Variants in MDGA2 observed in about 807,000 individuals in gnomAD.
The protein encoded by MDGA2 is MAM domain-containing glycosylphosphatidylinositol anchor protein 2.
In MDGA2, 40 loss-of-function variants were observed where a neutral mutation model predicts 117.8. The observed-to-expected ratio is 0.34, with a 90% confidence interval of 0.26 to 0.44. The LOEUF (loss-of-function observed/expected upper bound fraction) is 0.44, where lower values mean the gene tolerates loss of function less well. Among genes scored for constraint, MDGA2 ranks in the 20% least tolerant of loss-of-function variants. The pLI, the probability that MDGA2 is intolerant of heterozygous loss-of-function variation, is 1.00. For synonymous variants in MDGA2, 452 were observed against 439.0 expected, an observed-to-expected ratio of 1.03 and a Z score of -0.37; for missense variants, 1,123 against 1,250.6, an observed-to-expected ratio of 0.90 and a Z score of 1.54.
chr14:47,082,157 A>T (rs1890729899), intron 6 of MDGA2, among the ~76,000 whole-genome samples: 1 of 152,104 alleles, frequency 6.6e-6, no homozygotes, highest in Non-Finnish European at 1.5e-5. Flanking sequence ...AAATATATTC[A>T]GTTCAAAGTA....
chr14:47,031,562 C>T (rs1248738643), intron 8 of MDGA2, among the ~76,000 whole-genome samples: 3 of 151,988 alleles, frequency 2.0e-5, no homozygotes, highest in African/African-American at 7.3e-5. Flanking sequence ...CTCAGCTATC[C>T]CTGATACTTA....
At chr14:46,854,405 T>C (rs1881181889) in intron 15 of MDGA2, among the ~76,000 whole-genome samples, 1 of 151,650 alleles carries the variant, frequency 6.6e-6, no homozygotes, top group Non-Finnish European at 1.5e-5. Flanking sequence ...GTATATTAAC[T>C]CCACTGAAAT....
intron 10 of MDGA2, among the ~76,000 whole-genome samples, chr14:46,918,918 T>C (rs1373380722): frequency 2.6e-5 from 4 of 152,014 alleles, no homozygotes; most frequent in Admixed American, 6.5e-5. Context: ...CCCGTCAACA[T>C]GCCCGGCTAA....
chr14:47,260,307 C>T (rs986636471), intron 2 of MDGA2, among the ~76,000 whole-genome samples: 5 of 151,940 alleles, frequency 3.3e-5, no homozygotes, highest in Non-Finnish European at 7.4e-5. Flanking sequence ...GATACCCTAG[C>T]ACTATAATCA....
chr14:47,379,115 T>C (rs1348955936), intron 1 of MDGA2, among the ~76,000 whole-genome samples: 1 of 152,148 alleles, frequency 6.6e-6, no homozygotes, highest in Non-Finnish European at 1.5e-5. Context: ...CCAGCCAAAC[T>C]AAGCTTCATA....
chr14:47,188,140 C>T (rs925939788), intron 3 of MDGA2, among the ~76,000 whole-genome samples: 1 of 152,044 alleles, frequency 6.6e-6, no homozygotes, highest in Non-Finnish European at 1.5e-5. Context: ...TGAAAAGTAG[C>T]TCCTAAAACA....
chr14:47,134,830 C>T (rs895175540), intron 4 of MDGA2, among the ~76,000 whole-genome samples: 1 of 151,134 alleles, frequency 6.6e-6, no homozygotes, highest in Non-Finnish European at 1.5e-5. Context: ...TAACCAACCT[C>T]TAATCATTCT....
chr14:47,087,954 T>C lies in MDGA2; in HGVS notation c.1195+8900A>G, dbSNP rs186516456. ...TCATTTTTAAAAGAAAATTGAAAGA[T>C]TTTCTCTTGGCTAGAGTAAATATGA... On this transcript the variant is annotated intron_variant, in intron 6 of 16. Transcript: ENST00000399232. 2.5e-4 allele frequency among the ~76,000 whole-genome samples: 38 copies of C among 152,124 alleles called. No homozygotes were observed. The East Asian group carries it at 4.1e-3, about 16-fold the overall frequency.
chr14:47,075,998 A>G (rs567826379), intron 6 of MDGA2, among the ~76,000 whole-genome samples: 1 of 152,276 alleles, frequency 6.6e-6, no homozygotes, highest in Non-Finnish European at 1.5e-5. Context: ...AAAAATTAGT[A>G]TCGAATACTC....
chr14:47,578,033 G>T (rs1388553905), intron 1 of MDGA2, among the ~76,000 whole-genome samples: 1 of 152,136 alleles, frequency 6.6e-6, no homozygotes, highest in African/African-American at 2.4e-5. Context: ...GTCCATCAAT[G>T]ATAGACTGGA....
At chr14:47,344,092 T>C (rs929149363) in intron 1 of MDGA2, among the ~76,000 whole-genome samples, 1 of 152,194 alleles carries the variant, frequency 6.6e-6, no homozygotes, top group Non-Finnish European at 1.5e-5. Context: ...GTTTCCCTCA[T>C]TTTCTTTACA....
chr14:47,621,307 C>A (rs1346984623), intron 1 of MDGA2, among the ~76,000 whole-genome samples: 2 of 152,234 alleles, frequency 1.3e-5, no homozygotes, highest in Non-Finnish European at 2.9e-5. Flanking sequence ...CTCAAACATG[C>A]ATGGGAGATT....
intron 1 of MDGA2, among the ~76,000 whole-genome samples, chr14:47,435,031 G>T (rs753767598): frequency 8.6e-5 from 13 of 152,044 alleles, no homozygotes; most frequent in Non-Finnish European, 1.8e-4. Flanking sequence ...AGCTACTCAG[G>T]AGGCTGAGGC....
chr14:47,586,643 T>C (rs1896330127), intron 1 of MDGA2, among the ~76,000 whole-genome samples: 1 of 151,894 alleles, frequency 6.6e-6, no homozygotes, highest in Non-Finnish European at 1.5e-5. Flanking sequence ...CCAGCATTCA[T>C]TTGGCAGTGG....
chr14:47,164,856 G>A (rs1883797555), intron 3 of MDGA2, among the ~76,000 whole-genome samples: 1 of 152,166 alleles, frequency 6.6e-6, no homozygotes, highest in Non-Finnish European at 1.5e-5. Context: ...CAACCCAAAT[G>A]TCCAACAATG....
intron 1 of MDGA2, among the ~76,000 whole-genome samples, chr14:47,629,023 T>G (rs1566549250): frequency 6.6e-6 from 1 of 152,220 alleles, no homozygotes; most frequent in Non-Finnish European, 1.5e-5. Context: ...TACCCACTCC[T>G]GCTTTTCTGT....
In MDGA2 at chr14:47,364,477, A is replaced by G. The variant is rs538776034; in HGVS notation, c.281-62927T>C. Among the ~76,000 whole-genome samples, 17 of 152,108 alleles carry G rather than the reference A, an allele frequency of 1.1e-4. No individual in the cohort carries two copies. The East Asian group carries it at 3.3e-3, about 30-fold the overall frequency. ...GACGGGGTTTCACCGTGTTAGCCAG[A>G]ATGGTCTCGATCTCCTGACATTGTG... On this transcript the variant is annotated intron_variant, in intron 1 of 16. Coordinates refer to ENST00000399232, the MANE Select transcript of MDGA2 (RefSeq NM_001113498.3).
At chr14:47,330,851 A>G (rs1305254648) in intron 1 of MDGA2, among the ~76,000 whole-genome samples, 2 of 151,900 alleles carry the variant, frequency 1.3e-5, no homozygotes, top group African/African-American at 4.8e-5. Flanking sequence ...GCATTCCATA[A>G]TATTTTTCAG....
intron 3 of MDGA2, among the ~76,000 whole-genome samples, chr14:47,160,444 A>G (rs1461255651): frequency 6.6e-6 from 1 of 152,190 alleles, no homozygotes; most frequent in African/African-American, 2.4e-5. Context: ...CTATAATCCC[A>G]GCACTTTGGC....
Sources: gnomAD v4.1 joint callset for allele counts (sites outside exome capture counted in the v4.1 genomes callset) on GRCh38, gnomAD v4.1.1 for gene constraint, MANE v1.5 for transcripts, NCBI Gene and HGNC (gene_info 2026-07-23, HGNC 2026-07-21) for gene names.